ADGRL1: variants seen among roughly 807,000 people sequenced by gnomAD.
ADGRL1 encodes adhesion G protein-coupled receptor L1.
A neutral mutation model predicts 148.9 loss-of-function variants in ADGRL1; 31 were observed. The ratio of observed to expected loss-of-function variants is 0.21; its 90% CI spans 0.16 to 0.28. The LOEUF is 0.28. Ranked by LOEUF, ADGRL1 falls within the 10% of genes least tolerant of loss-of-function variation. The pLI is 1.00. For synonymous variants in ADGRL1, 937 were observed against 900.3 expected (o/e 1.04, Z -0.73); for missense variants, 1,521 against 2,058.8 (o/e 0.74, Z 5.05).
At chr19:14,205,482 G>A (rs996475813) in intron 1 of ADGRL1, among the ~76,000 whole-genome samples, 3 of 151,780 alleles carry the variant, frequency 2.0e-5, no homozygotes, top group Non-Finnish European at 4.4e-5. Flanking sequence ...AGCATCCTGT[G>A]GTGCCAGCCC....
intron 16 of ADGRL1, 90 bp downstream of exon 16, chr19:14,156,568 G>C (rs3736066): frequency 4.8e-6 from 4 of 825,286 alleles, no homozygotes; most frequent in African/African-American, 1.8e-5. Context: ...TGTGTGTGTG[G>C]GGGGGGTGGG....
chr19:14,151,070 G>T lies in ADGRL1; in HGVS notation c.4213C>A (p.Pro1405Thr). 1 of 709,462 alleles carries T rather than the reference G, an allele frequency of 1.4e-6. No homozygotes were observed. Among genetic ancestry groups the T allele is most frequent in the East Asian group, 5.0e-5 (1 of 20,194 alleles). 43.9% of individuals were successfully genotyped at this position (709,462 alleles called of 1,614,324 possible). Residue 1405 changes from proline to threonine, a missense_variant, in exon 23 of 23, where the codon CCC (proline) becomes ACC (threonine). This residue lies in a region of ADGRL1 where 390 missense variants were observed against 375.0 expected (regional missense o/e 1.04). Coordinates refer to ENST00000361434, the MANE Select transcript of ADGRL1 (RefSeq NM_014921.5). Reference protein sequence around the residue: ...SSPEGPSEALPPPPPAPPGPP... With the variant: ...SSPEGPSEALTPPPPAPPGPP... ...CCGGGGGGTGCGGGAGGGGGTGGGG[G>T]CAGGGCCTCACTGGGCCCCTCAGGG...
Position 14,157,306 on chromosome 19 carries a change from T to C in ADGRL1, c.2690A>G (p.Asn897Ser), listed in dbSNP as rs781333888. Residue 897 changes from asparagine to serine, a missense_variant, in exon 14 of 23, where the codon AAC becomes AGC. By Grantham distance (46) the Asn-to-Ser change is conservative. Around this residue, in one of 8 missense-constraint regions of ADGRL1, gnomAD observed 26 missense variants for 75.0 expected, o/e 0.35. Coordinates refer to ENST00000361434, the MANE Select transcript of ADGRL1 (RefSeq NM_014921.5). This position sits in a 1 kb window ranked among gnomAD's most constrained non-coding sequence, Gnocchi z 7.5. The part of the protein sequence containing the change: ...RNTIHKNLCI[N>S]LFLAELLFLV... ...GAAGAGCAGCTCAGCCAGGAAGAGG[T>C]TGATGCACAGGTTCTTGTGGATGGT... is the stretch of plus-strand genomic sequence containing the variant. The C allele has an allele frequency of 2.8e-5, 45 of 1,613,842 alleles. No individual in the cohort carries two copies. Among genetic ancestry groups the C allele is most frequent in the East Asian group, 2.0e-4 (9 of 44,882 alleles).
At position 14,151,629 on chromosome 19, in the gene ADGRL1, A is replaced by C; in HGVS notation, c.3668-14T>G. On this transcript the variant is annotated splice_polypyrimidine_tract_variant and intron_variant, in intron 22 of 22. Coordinates refer to ENST00000361434, the MANE Select transcript of ADGRL1 (RefSeq NM_014921.5). ...CCAAGGGGTGCTCTGCAGGGCAGAA[A>C]GGGGCTGGTCAGGTTGAAGAGGGGC... 1 of 1,580,462 alleles carries C rather than the reference A, an allele frequency of 6.3e-7. No individual in the cohort carries two copies.
intron 4 of ADGRL1, among the ~76,000 whole-genome samples, chr19:14,166,575 AGAGAGAAAG>A (rs1969984325): frequency 6.7e-6 from 1 of 148,774 alleles, no homozygotes; most frequent in Non-Finnish European, 1.5e-5. Context: ...AGAGAGAGAG[AGAGAGAAAG>A]AGAGAGAGAG....
Position 14,147,797 on chromosome 19 carries a change from T to A in ADGRL1, c.*3076A>T, listed in dbSNP as rs899445335. 4 of 152,584 alleles carry A rather than the reference T, an allele frequency of 2.6e-5. No individual in the cohort carries two copies. The highest frequency in any genetic ancestry group is 6.5e-5 in the Admixed American group (1 of 15,290). The allele number at this position is 152,584 out of a possible 1,614,324, so 9.5% of individuals were successfully genotyped here. A position where few individuals can be genotyped will look rare whatever the true frequency, so the allele number is the denominator to read the frequency against. On this transcript the variant is annotated 3_prime_UTR_variant, in exon 23 of 23. Transcript: ENST00000361434. ...TGACTTTTTGACTCAACAATTTTTTTAAAACTTTTTGTTTTTTTCTGAAAC... is the reference window on the plus strand; with the variant it reads ...TGACTTTTTGACTCAACAATTTTTTAAAAACTTTTTGTTTTTTTCTGAAAC...
In ADGRL1 at chr19:14,185,428, G is replaced by A. The variant is rs967347339; in HGVS notation, c.-95-1731C>T. 2.0e-5 allele frequency among the ~76,000 whole-genome samples: 3 copies of A among 152,160 alleles called. No homozygotes were observed. The East Asian group carries it at 5.8e-4, about 29-fold the overall frequency. On this transcript the variant is annotated intron_variant, in intron 1 of 22. Coordinates refer to ENST00000361434, the MANE Select transcript of ADGRL1 (RefSeq NM_014921.5). ...CCTACTTCAGCCTTTCGAGTAGCTGGGACCACAGGCTCTCGCCACCACGCC... is the reference window on the plus strand; with the variant it reads ...CCTACTTCAGCCTTTCGAGTAGCTGAGACCACAGGCTCTCGCCACCACGCC...
At chr19:14,191,696 C>CTTT (rs202173891) in intron 1 of ADGRL1, among the ~76,000 whole-genome samples, 1 of 143,964 alleles carries the variant, frequency 6.9e-6, no homozygotes. Context: ...CTGTCTCTCT[C>CTTT]TTTTTTTTTT....
chr19:14,181,153 CA>C (rs1466687970), intron 2 of ADGRL1, among the ~76,000 whole-genome samples: 2 of 152,274 alleles, frequency 1.3e-5, no homozygotes, highest in Non-Finnish European at 2.9e-5. Flanking sequence ...GGGGGACCCC[CA>C]AACTTGTCAT....
rs1971386220 is a variant in ADGRL1, at chr19:14,183,753, T to C, written c.-95-56A>G. 2.3e-5 allele frequency: 15 copies of C among 651,328 alleles called. No homozygotes were observed. The South Asian group carries it at 2.9e-4, about 13-fold the overall frequency. 40.3% of individuals were successfully genotyped at this position (651,328 alleles called of 1,614,324 possible). The stretch of plus-strand genomic sequence containing the variant: ...ATAGGGCCTCCAGGCCGCTCCCCTC[T>C]CCTCCTGCTGGTGGCTGAGTAGCTC... On this transcript the variant is annotated intron_variant, in intron 1 of 22. Transcript: ENST00000361434.
At position 14,159,483 on chromosome 19, in the gene ADGRL1, G is replaced by A. The variant is rs938931481; in HGVS notation, c.1941C>T (p.Leu647=). 22 of 1,613,250 alleles carry A rather than the reference G, an allele frequency of 1.4e-5. No homozygotes were observed. The highest frequency in any genetic ancestry group is 1.7e-5 in the Non-Finnish European group (20 of 1,179,798). ...GGAAGGCGCCCTCCTCCAGGACGTCGAGGAGCATGGTGGCCGTGTGCACCT... is the reference window on the plus strand; with the variant it reads ...GGAAGGCGCCCTCCTCCAGGACGTCAAGGAGCATGGTGGCCGTGTGCACCT... ...TEQVHTATML[L]DVLEEGAFLL... is the part of the protein sequence containing the mutation. Residue 647 remains leucine, a synonymous_variant, in exon 10 of 23, where the codon CTC becomes CTT. Coordinates refer to ENST00000361434, the MANE Select transcript of ADGRL1 (RefSeq NM_014921.5). This position sits in a 1 kb window ranked among gnomAD's most constrained non-coding sequence, Gnocchi z 6.0.
chr19:14,183,193 CAG>C (rs3837937), intron 2 of ADGRL1, among the ~76,000 whole-genome samples: 176 of 145,176 alleles, frequency 1.2e-3, no homozygotes, highest in Middle Eastern at 7.1e-3. Context: ...GATGTAATCA[CAG>C]AGAGAGAGAG....
intron 3 of ADGRL1, among the ~76,000 whole-genome samples, chr19:14,176,470 ATCAC>A (rs1475809314): frequency 4.6e-5 from 7 of 152,090 alleles, no homozygotes; most frequent in Non-Finnish European, 8.8e-5. Context: ...CCCACACACA[ATCAC>A]TCACACAGGC....
chr19:14,173,672 C>T (rs1001093794), intron 3 of ADGRL1, among the ~76,000 whole-genome samples: 5 of 152,058 alleles, frequency 3.3e-5, no homozygotes, highest in Non-Finnish European at 5.9e-5. Context: ...CTAGGCTGGG[C>T]GCAGTGGCTC....
In ADGRL1 at chr19:14,163,207, G is replaced by A. The variant is rs1193825490; in HGVS notation, c.594C>T (p.Thr198=). The part of the protein sequence containing the change: ...WEDYVAARHT[T]TYRLPNRVDG... ...CCACGCGGTTGGGCAGGCGGTAGGT[G>A]GTGGTGTGGCGGGCGGCCACGTAGT... The change falls in exon 5 of 23, where the codon ACC becomes ACT. Residue 198 remains threonine, a synonymous_variant. Coordinates refer to ENST00000361434, the MANE Select transcript of ADGRL1 (RefSeq NM_014921.5). 1 of 1,614,072 alleles carries A rather than the reference G, an allele frequency of 6.2e-7. No homozygotes were observed. The highest frequency in any genetic ancestry group is 1.1e-5 in the South Asian group (1 of 91,084).
At chr19:14,182,195 G>A (rs1453209249) in intron 2 of ADGRL1, among the ~76,000 whole-genome samples, 2 of 152,206 alleles carry the variant, frequency 1.3e-5, no homozygotes, top group Admixed American at 6.5e-5. Flanking sequence ...GATGGCTCCA[G>A]GGTGTTAATG....
intron 1 of ADGRL1, among the ~76,000 whole-genome samples, chr19:14,198,004 T>C (rs1054858376): frequency 1.3e-5 from 2 of 151,936 alleles, no homozygotes; most frequent in African/African-American, 2.4e-5. Context: ...CCCTAAAAAG[T>C]GACATTTCGG....
intron 18 of ADGRL1, among the ~76,000 whole-genome samples, chr19:14,153,969 C>A (rs1384350105): frequency 1.3e-5 from 2 of 150,952 alleles, no homozygotes; most frequent in African/African-American, 2.4e-5. Flanking sequence ...AAAAAAAAAA[C>A]CTAAAAAAAT....
At chr19:14,189,769 A>C (rs1008760979) in intron 1 of ADGRL1, among the ~76,000 whole-genome samples, 1 of 152,212 alleles carries the variant, frequency 6.6e-6, no homozygotes, top group Non-Finnish European at 1.5e-5. Flanking sequence ...ACATCTATTT[A>C]AGGTTACATG....
Sources: allele counts gnomAD v4.1 joint callset (sites outside exome capture counted in the v4.1 genomes callset), GRCh38; gene constraint gnomAD v4.1.1; regional missense constraint gnomAD v4.1.1; non-coding constraint Gnocchi (gnomAD v3.1); transcripts MANE v1.5; gene names NCBI Gene and HGNC (gene_info 2026-07-23, HGNC 2026-07-21).